Variants in ACSS3 observed in about 807,000 individuals in gnomAD.
The protein encoded by ACSS3 is acyl-CoA synthetase short-chain family member 3, mitochondrial.
In ACSS3, 64 loss-of-function variants were observed where a neutral mutation model predicts 84.2. That is an observed-to-expected ratio of 0.76 (90% CI 0.62 to 0.94). The LOEUF is 0.94. Among genes scored for constraint, ACSS3 ranks in the 40% least tolerant of loss-of-function variants. The pLI, the probability that ACSS3 is intolerant of heterozygous loss-of-function variation, is 0.00. For synonymous variants in ACSS3, 317 were observed against 310.1 expected, an observed-to-expected ratio of 1.02 and a Z score of -0.23; for missense variants, 815 against 867.6, an observed-to-expected ratio of 0.94 and a Z score of 0.76.
chr12:81,195,003 G>A (rs754821436), intron 8 of ACSS3, among the ~76,000 whole-genome samples: 1 of 151,922 alleles, frequency 6.6e-6, no homozygotes, highest in Non-Finnish European at 1.5e-5. Context: ...TGAAGTTCTC[G>A]ATCTCTAGTT....
chr12:81,130,046 TGTAA>T (rs1379083844), intron 2 of ACSS3, among the ~76,000 whole-genome samples: 1 of 152,224 alleles, frequency 6.6e-6, no homozygotes, highest in Non-Finnish European at 1.5e-5. Flanking sequence ...TTGGGTTGGT[TGTAA>T]GTCTTTGGTA....
At chr12:81,200,725 C>A (rs752067722) in intron 9 of ACSS3, among the ~76,000 whole-genome samples, 9 of 151,670 alleles carry the variant, frequency 5.9e-5, no homozygotes, top group Non-Finnish European at 1.0e-4. Flanking sequence ...CATGGTGAAA[C>A]CCCATCTCTA....
At chr12:81,211,808 T>C (rs1236413740) in intron 9 of ACSS3, among the ~76,000 whole-genome samples, 1 of 152,204 alleles carries the variant, frequency 6.6e-6, no homozygotes, top group African/African-American at 2.4e-5. Flanking sequence ...CAGACTAAGG[T>C]CTTAGGATGA....
intron 13 of ACSS3, among the ~76,000 whole-genome samples, chr12:81,233,759 CTAGCTTCTTGATTTACT>C (rs1304137361): frequency 6.6e-6 from 1 of 151,610 alleles, no homozygotes; most frequent in East Asian, 1.9e-4. Context: ...TTGAATGCCT[CTAGCTTCTTGATTTACT>C]CGTGTTTAAT....
intron 1 of ACSS3, among the ~76,000 whole-genome samples, chr12:81,093,848 A>T (rs1208150291): frequency 6.6e-6 from 1 of 151,802 alleles, no homozygotes; most frequent in African/African-American, 2.4e-5. Flanking sequence ...TTAAAAAATC[A>T]AGAATCTATG....
Position 81,239,892 on chromosome 12 carries a change from CAT to C in ACSS3, c.1719+6430_1719+6431del, listed in dbSNP as rs377681645. 2.2e-3 allele frequency among the ~76,000 whole-genome samples: 337 copies of C among 151,988 alleles called. 1 individual carries two copies. The highest frequency in any genetic ancestry group is 7.9e-3 in the African/African-American group (326 of 41,482). On this transcript the variant is annotated intron_variant, in intron 13 of 15. Transcript: ENST00000548058. The stretch of plus-strand genomic sequence containing the variant: ...CAATATGTGTGCATATATGCACATA[CAT>C]ATATATATGCTTATGTATAAGCAAA...
chr12:81,243,803 T>C (rs1484841163), intron 13 of ACSS3, among the ~76,000 whole-genome samples: 1 of 152,184 alleles, frequency 6.6e-6, no homozygotes, highest in African/African-American at 2.4e-5. Context: ...TGCTAGCACA[T>C]TAGCATATAC....
chr12:81,230,375 G>T (rs755200856), intron 11 of ACSS3, among the ~76,000 whole-genome samples: 4 of 151,838 alleles, frequency 2.6e-5, no homozygotes, highest in Non-Finnish European at 4.4e-5. Context: ...TTAAGCCCTT[G>T]CCATGCATAT....
intron 1 of ACSS3, among the ~76,000 whole-genome samples, chr12:81,081,079 G>A (rs549364802): frequency 1.3e-5 from 2 of 152,172 alleles, no homozygotes; most frequent in Admixed American, 6.5e-5. Flanking sequence ...AGGCAAGAGC[G>A]ATTCTTCATT....
chr12:81,210,306 A>G (rs2135924972), intron 9 of ACSS3, among the ~76,000 whole-genome samples: 1 of 152,244 alleles, frequency 6.6e-6, no homozygotes, highest in East Asian at 1.9e-4. Context: ...GGTCTCTCGT[A>G]TTCAGGTTAG....
intron 5 of ACSS3, among the ~76,000 whole-genome samples, chr12:81,145,526 T>A (rs1886299965): frequency 6.6e-6 from 1 of 152,146 alleles, no homozygotes. Flanking sequence ...GTTGGGAAGA[T>A]AGGTGACTAC....
chr12:81,194,525 A>T (rs1373099735), intron 8 of ACSS3, among the ~76,000 whole-genome samples: 1 of 151,944 alleles, frequency 6.6e-6, no homozygotes, highest in Non-Finnish European at 1.5e-5. Flanking sequence ...TGCATTCAAT[A>T]AATAGTAAAG....
At chr12:81,138,694 CT>C (rs1204809420) in intron 3 of ACSS3, among the ~76,000 whole-genome samples, 1 of 152,042 alleles carries the variant, frequency 6.6e-6, no homozygotes, top group African/African-American at 2.4e-5. Context: ...AGATTTGGGT[CT>C]TTTTCTGCTG....
chr12:81,090,150 TG>T (rs1320170734), intron 1 of ACSS3, among the ~76,000 whole-genome samples: 1 of 152,044 alleles, frequency 6.6e-6, no homozygotes. Flanking sequence ...CTTAGAGAAA[TG>T]TAAGTCCTCA....
At chr12:81,115,836 A>AAAATAATT (rs1470572161) in intron 2 of ACSS3, among the ~76,000 whole-genome samples, 1 of 152,082 alleles carries the variant, frequency 6.6e-6, no homozygotes, top group East Asian at 1.9e-4. Context: ...CCCTGTTTAA[A>AAAATAATT]AAATAATTAA....
rs2032942963 is a variant in ACSS3, at chr12:81,216,991, A to G, written c.1445A>G (p.Tyr482Cys). 1.2e-6 allele frequency: 2 copies of G among 1,608,272 alleles called. No individual in the cohort carries two copies. The highest frequency in any genetic ancestry group is 2.2e-5 in the South Asian group (2 of 90,998). ...PGQAGKSVPG[Y>C]NVMILDDNMQ... is the part of the protein sequence containing the mutation. ...CAAGCAGGAAAAAGCGTCCCAGGATACAATGGTAAGGAATGACCCTGATAA... is the reference window on the plus strand; with the variant it reads ...CAAGCAGGAAAAAGCGTCCCAGGATGCAATGGTAAGGAATGACCCTGATAA... The change falls in exon 10 of 16, where the codon TAC (tyrosine) becomes TGC (cysteine). Residue 482 changes from tyrosine to cysteine, a missense_variant. Tyr to Cys is a radical substitution (Grantham distance 194, BLOSUM62 -2). Coordinates refer to ENST00000548058, the MANE Select transcript of ACSS3 (RefSeq NM_024560.4).
intron 11 of ACSS3, among the ~76,000 whole-genome samples, chr12:81,224,960 T>A (rs2135957409): frequency 6.6e-6 from 1 of 152,042 alleles, no homozygotes; most frequent in Admixed American, 6.6e-5. Context: ...TGCTGGCATA[T>A]TGTTCTAAGT....
chr12:81,106,339 A>T (rs1432018489), intron 1 of ACSS3, among the ~76,000 whole-genome samples: 1 of 152,208 alleles, frequency 6.6e-6, no homozygotes, highest in Non-Finnish European at 1.5e-5. Context: ...CTAATGCCTG[A>T]TGATTTGTCG....
chr12:81,191,497 T>C (rs1262422311), intron 8 of ACSS3, among the ~76,000 whole-genome samples: 1 of 152,196 alleles, frequency 6.6e-6, no homozygotes, highest in African/African-American at 2.4e-5. Context: ...GAAGATTTTA[T>C]GTACAATTAA....
Sources: allele counts gnomAD v4.1 joint callset (sites outside exome capture counted in the v4.1 genomes callset), GRCh38; gene constraint gnomAD v4.1.1; transcripts MANE v1.5; gene names NCBI Gene and HGNC (gene_info 2026-07-23, HGNC 2026-07-21).